Variants in NKAIN3 observed in about 807,000 individuals in gnomAD.
NKAIN3 encodes sodium/potassium transporting ATPase interacting 3.
Under a neutral mutation model 30.2 loss-of-function variants are expected in NKAIN3, and 25 were observed. The observed-to-expected ratio is 0.83, with a 90% CI of 0.60 to 1.16. NKAIN3 has a LOEUF of 1.16. Ranked by LOEUF, NKAIN3 falls within the 50% of genes most tolerant of loss-of-function variation. The pLI is 0.00. For missense variants in NKAIN3, 225 were observed against 254.1 expected (o/e 0.89, Z 0.78); for synonymous variants, 91 against 89.6 (o/e 1.02, Z -0.09).
intron 4 of NKAIN3, among the ~76,000 whole-genome samples, chr8:62,753,398 T>A (rs910107861): frequency 1.3e-5 from 2 of 150,538 alleles, no homozygotes; most frequent in African/African-American, 4.9e-5. Context: ...AACTGAAATT[T>A]AAAAGTAATT....
chr8:62,641,858 T>A (rs775530533), intron 3 of NKAIN3, among the ~76,000 whole-genome samples: 15 of 152,250 alleles, frequency 9.9e-5, no homozygotes, highest in Non-Finnish European at 2.1e-4. Flanking sequence ...TCTAAGACTA[T>A]GATGCATTTG....
At chr8:62,659,092 A>C (rs1486961716) in intron 3 of NKAIN3, among the ~76,000 whole-genome samples, 1 of 152,194 alleles carries the variant, frequency 6.6e-6, no homozygotes, top group Non-Finnish European at 1.5e-5. Flanking sequence ...ATGGCTATGG[A>C]ATCACTTCGT....
chr8:62,504,969 C>T (rs1276178107), intron 1 of NKAIN3, among the ~76,000 whole-genome samples: 2 of 152,140 alleles, frequency 1.3e-5, no homozygotes, highest in Non-Finnish European at 2.9e-5. Flanking sequence ...CTTTTTGTTC[C>T]TATAACACTT....
chr8:62,834,015 G>T lies in NKAIN3; in HGVS notation c.472-84438G>T, dbSNP rs548740868. On this transcript the variant is annotated intron_variant, in intron 4 of 6. Transcript: ENST00000623646. ...GCTTTATTTCTGGGATGCAAGGTTG[G>T]TTCAACATATGCAAGTCAGTAAATG... Among the ~76,000 whole-genome samples, 8 of 152,180 alleles carry T rather than the reference G, an allele frequency of 5.3e-5. No individual in the cohort carries two copies. The South Asian group carries it at 1.7e-3, about 32-fold the overall frequency.
At chr8:62,849,208 A>G (rs1819786932) in intron 4 of NKAIN3, among the ~76,000 whole-genome samples, 1 of 150,708 alleles carries the variant, frequency 6.6e-6, no homozygotes, top group Admixed American at 6.6e-5. Flanking sequence ...CTCCTTTTCA[A>G]TTTTTTGGAA....
At chr8:62,507,551 C>A (rs1001062747) in intron 1 of NKAIN3, among the ~76,000 whole-genome samples, 1 of 152,074 alleles carries the variant, frequency 6.6e-6, no homozygotes, top group Non-Finnish European at 1.5e-5. Context: ...GCCTTTTTGC[C>A]AAATGCTATA....
intron 4 of NKAIN3, among the ~76,000 whole-genome samples, chr8:62,763,679 C>A (rs1303846096): frequency 1.3e-5 from 2 of 152,176 alleles, no homozygotes; most frequent in African/African-American, 4.8e-5. Context: ...TAAGGCTTGG[C>A]TATCATGGAT....
At chr8:62,720,991 CACGTAAGAGCATAT>C (rs1362127557) in intron 3 of NKAIN3, among the ~76,000 whole-genome samples, 1 of 152,122 alleles carries the variant, frequency 6.6e-6, no homozygotes, top group Non-Finnish European at 1.5e-5. Context: ...TATAGAGAGC[CACGTAAGAGCATAT>C]ACTGACCTCT....
intron 1 of NKAIN3, among the ~76,000 whole-genome samples, chr8:62,327,836 G>A (rs959036177): frequency 6.6e-6 from 1 of 151,920 alleles, no homozygotes; most frequent in Non-Finnish European, 1.5e-5. Flanking sequence ...GATTTTGATA[G>A]GAATTGCATT....
intron 4 of NKAIN3, among the ~76,000 whole-genome samples, chr8:62,810,368 A>G (rs1327045833): frequency 6.6e-6 from 1 of 151,782 alleles, no homozygotes; most frequent in Non-Finnish European, 1.5e-5. Context: ...TTTCTCAGGT[A>G]AAAAAGTGTT....
chr8:62,532,146 A>G (rs1466696522), intron 1 of NKAIN3, among the ~76,000 whole-genome samples: 1 of 152,184 alleles, frequency 6.6e-6, no homozygotes, highest in Admixed American at 6.5e-5. Flanking sequence ...CAGGGGCTCT[A>G]TTAAACTATT....
At chr8:62,344,958 T>A (rs1815883864) in intron 1 of NKAIN3, 1 of 263,728 alleles carries the variant, frequency 3.8e-6, no homozygotes, top group African/African-American at 2.3e-5. Context: ...TTTATTTATT[T>A]GTGTCTTTCT....
downstream of NKAIN3, among the ~76,000 whole-genome samples, chr8:62,989,644 G>A (rs1824276487): frequency 6.6e-6 from 1 of 152,172 alleles, no homozygotes; most frequent in South Asian, 2.1e-4. Flanking sequence ...CTTGCGATGA[G>A]CTGAGATCAT....
At chr8:62,313,448 T>G (rs78787775) in intron 1 of NKAIN3, among the ~76,000 whole-genome samples, 2 of 152,128 alleles carry the variant, frequency 1.3e-5, no homozygotes, top group Admixed American at 6.6e-5. Flanking sequence ...AAAAGAACAA[T>G]AATGCAATTA....
chr8:62,546,206 C>T (rs776724511), intron 1 of NKAIN3, among the ~76,000 whole-genome samples: 28 of 152,084 alleles, frequency 1.8e-4, no homozygotes, highest in Non-Finnish European at 2.8e-4. Context: ...CTTGTGTGCT[C>T]GTATCAGAAT....
intron 4 of NKAIN3, among the ~76,000 whole-genome samples, chr8:62,917,424 C>T (rs373196773): frequency 6.6e-6 from 1 of 152,200 alleles, no homozygotes; most frequent in African/African-American, 2.4e-5. Flanking sequence ...TAAGACCTCA[C>T]CCTAAACTTT....
chr8:62,765,631 TTA>T (rs1204626601), intron 4 of NKAIN3, among the ~76,000 whole-genome samples: 1 of 152,210 alleles, frequency 6.6e-6, no homozygotes, highest in Non-Finnish European at 1.5e-5. Context: ...AAGAAGTTAA[TTA>T]CATTACCTTG....
chr8:62,674,507 A>G (rs998067429), intron 3 of NKAIN3, among the ~76,000 whole-genome samples: 1 of 152,226 alleles, frequency 6.6e-6, no homozygotes, highest in African/African-American at 2.4e-5. Flanking sequence ...GATTGCAGGT[A>G]TCCTGCTTGG....
At chr8:62,266,694 G>A (rs996618098) in intron 1 of NKAIN3, among the ~76,000 whole-genome samples, 3 of 152,236 alleles carry the variant, frequency 2.0e-5, no homozygotes, top group African/African-American at 7.2e-5. Flanking sequence ...AGAGGGAGAA[G>A]CGCCTCTTCC....
Sources: allele counts gnomAD v4.1 joint callset (sites outside exome capture counted in the v4.1 genomes callset), GRCh38; gene constraint gnomAD v4.1.1; transcripts MANE v1.5; gene names NCBI Gene and HGNC (gene_info 2026-07-23, HGNC 2026-07-21).